The following GVQW3 variants were observed in gnomAD, a reference collection of about 807,000 sequenced individuals.
GVQW3 encodes GVQW motif containing 3.
GVQW3 carries 7 observed loss-of-function variants against 12.5 expected under a neutral mutation model. The observed-to-expected ratio is 0.56, with a 90% confidence interval of 0.32 to 1.05. The LOEUF is 1.05. Among genes scored for constraint, GVQW3 ranks in the 50% least tolerant of loss-of-function variants. The probability of loss-of-function intolerance (pLI) is 0.04; values close to 1 mark genes in which losing one functional copy is unlikely to be tolerated. For synonymous variants in GVQW3, 71 were observed against 67.2 expected (o/e 1.06, Z -0.28); for missense variants, 188 against 190.8 (o/e 0.99, Z 0.09).
intron 1 of GVQW3, among the ~76,000 whole-genome samples, chr11:76,393,912 A>T (rs1032810389): frequency 1.4e-5 from 2 of 144,164 alleles, no homozygotes; most frequent in Admixed American, 6.8e-5. Flanking sequence ...TATTATTATT[A>T]TTTTTGAGAG....
At chr11:76,409,548 T>C (rs1947068071), downstream of GVQW3, among the ~76,000 whole-genome samples, 1 of 152,212 alleles carries the variant, frequency 6.6e-6, no homozygotes, top group Non-Finnish European at 1.5e-5. Context: ...ATTGCCTCTT[T>C]AGGGAAATCT....
At chr11:76,392,433 G>A (rs1489949265) in intron 1 of GVQW3, 2 of 152,232 alleles carry the variant, frequency 1.3e-5, no homozygotes, top group Non-Finnish European at 2.9e-5. Flanking sequence ...CAAACTCGAT[G>A]AGGGAATTGG....
downstream of GVQW3, chr11:76,411,740 A>G (rs969121546): frequency 3.9e-5 from 6 of 152,102 alleles, no homozygotes; most frequent in African/African-American, 1.4e-4. Context: ...CTTTGAGTTG[A>G]TGTAATCTTG....
chr11:76,398,168 C>T (rs1179491411), intron 1 of GVQW3, among the ~76,000 whole-genome samples: 2 of 151,652 alleles, frequency 1.3e-5, no homozygotes, highest in Non-Finnish European at 1.5e-5. Context: ...AAGAAAATGA[C>T]TGTGTGTAAC....
At chr11:76,392,169 T>C (rs1946898834) in intron 1 of GVQW3, 1 of 152,156 alleles carries the variant, frequency 6.6e-6, no homozygotes, top group African/African-American at 2.4e-5. Flanking sequence ...GAACAAACTT[T>C]TGTAAAGAAT....
At chr11:76,409,089 G>A (rs753498861), downstream of GVQW3, among the ~76,000 whole-genome samples, 22 of 152,080 alleles carry the variant, frequency 1.4e-4, no homozygotes, top group Non-Finnish European at 2.9e-4. Context: ...TTCAGTGTCC[G>A]CTGCATGCCA....
chr11:76,395,620 G>T (rs1946931968), intron 1 of GVQW3, among the ~76,000 whole-genome samples: 1 of 152,140 alleles, frequency 6.6e-6, no homozygotes, highest in Non-Finnish European at 1.5e-5. Context: ...TCTAGCCCTG[G>T]TTCCTTTTAT....
Position 76,406,232 on chromosome 11 carries a change from C to T in GVQW3, c.*2474C>T, listed in dbSNP as rs1947038149. On this transcript the variant is annotated 3_prime_UTR_variant, in exon 2 of 2. Coordinates refer to ENST00000529331, the MANE Select transcript of GVQW3 (RefSeq NM_001347885.2). Reference sequence around the variant, plus strand: ...AACCAATCTGCCCACCTAGGCCTCCCAAAATGCTGGGACTATAGGTGTGAG... The same window carrying T: ...AACCAATCTGCCCACCTAGGCCTCCTAAAATGCTGGGACTATAGGTGTGAG... 1 of 152,344 alleles carries T rather than the reference C, an allele frequency of 6.6e-6. No individual in the cohort carries two copies. Among genetic ancestry groups the T allele is most frequent in the African/African-American group, 2.4e-5 (1 of 41,460 alleles). The allele number at this position is 152,344 out of a possible 1,614,324, so 9.4% of individuals were successfully genotyped here.
downstream of GVQW3, chr11:76,411,978 A>T (rs1947082672): frequency 6.6e-6 from 1 of 152,026 alleles, no homozygotes; most frequent in Admixed American, 6.6e-5. Context: ...GATAGCTTTA[A>T]CTCTCTTCCT....
At chr11:76,410,912 T>G (rs554867747), downstream of GVQW3, 1 of 152,366 alleles carries the variant, frequency 6.6e-6, no homozygotes, top group South Asian at 2.1e-4. Context: ...TTCCTCATCT[T>G]TCATTGCTTT....
intron 1 of GVQW3, among the ~76,000 whole-genome samples, chr11:76,401,867 C>A (rs1294884077): frequency 6.6e-6 from 1 of 152,094 alleles, no homozygotes; most frequent in African/African-American, 2.4e-5. Flanking sequence ...TCAAACTCCC[C>A]ATCTTGCATG....
In GVQW3 at chr11:76,393,513, T is replaced by C. The variant is rs780926553; in HGVS notation, c.466-10147T>C. ...GGAGTTTGCTGAAAACTGGAGACTT[T>C]TGGACACCAACTTTTTGAGCTAGCT... On this transcript the variant is annotated intron_variant, in intron 1 of 1. Coordinates refer to ENST00000529331, the MANE Select transcript of GVQW3 (RefSeq NM_001347885.2). Among the ~76,000 whole-genome samples, 66 of 152,184 alleles carry C rather than the reference T, an allele frequency of 4.3e-4. 1 individual carries two copies. Among genetic ancestry groups the C allele is most frequent in the Non-Finnish European group, 3.5e-4 (24 of 68,038 alleles).
intron 1 of GVQW3, among the ~76,000 whole-genome samples, chr11:76,395,965 G>T (rs936720653): frequency 3.3e-5 from 5 of 152,196 alleles, no homozygotes; most frequent in Non-Finnish European, 7.3e-5. Flanking sequence ...CACTCTAGAT[G>T]TTAGGAATAG....
intron 1 of GVQW3, among the ~76,000 whole-genome samples, chr11:76,388,798 G>T (rs1946862486): frequency 6.6e-6 from 1 of 152,054 alleles, no homozygotes; most frequent in South Asian, 2.1e-4. Flanking sequence ...CTCTGGTCTT[G>T]ATGCCTCTCC....
At chr11:76,399,820 T>A (rs1442507703) in intron 1 of GVQW3, among the ~76,000 whole-genome samples, 1 of 152,066 alleles carries the variant, frequency 6.6e-6, no homozygotes, top group African/African-American at 2.4e-5. Context: ...ATTGCAGGAT[T>A]TTGAACTGGA....
At position 76,381,651 on chromosome 11, in the gene GVQW3, G is replaced by C. The variant is rs914117287; in HGVS notation, c.-178G>C. On this transcript the variant is annotated 5_prime_UTR_variant, in exon 1 of 2. Coordinates refer to ENST00000529331, the MANE Select transcript of GVQW3 (RefSeq NM_001347885.2). ...TGGCTTCCCAGAACGGATCTCCCCA[G>C]CCTCGACTGGAAGCTGAGGGACAAA... The C allele has an allele frequency of 3.3e-6, 2 of 600,394 alleles. No individual in the cohort carries two copies. Among genetic ancestry groups the C allele is most frequent in the African/African-American group, 3.7e-5 (2 of 53,702 alleles). 37.2% of individuals were successfully genotyped at this position (600,394 alleles called of 1,614,324 possible).
chr11:76,401,918 A>T (rs537552095), intron 1 of GVQW3, among the ~76,000 whole-genome samples: 18 of 152,254 alleles, frequency 1.2e-4, no homozygotes, highest in African/African-American at 3.9e-4. Context: ...AATGCTATTT[A>T]TTACCCCACC....
At chr11:76,386,686 A>C (rs947722580) in intron 1 of GVQW3, among the ~76,000 whole-genome samples, 1 of 152,158 alleles carries the variant, frequency 6.6e-6, no homozygotes, top group Non-Finnish European at 1.5e-5. Flanking sequence ...TTGCTGCTAA[A>C]TTGTGTATGT....
At chr11:76,395,363 CA>C (rs1306772624) in intron 1 of GVQW3, among the ~76,000 whole-genome samples, 7 of 152,202 alleles carry the variant, frequency 4.6e-5, no homozygotes, top group Non-Finnish European at 1.0e-4. Flanking sequence ...TGTTTGGACT[CA>C]TGTATGTTTG....
Sources: gnomAD v4.1 joint callset for allele counts (sites outside exome capture counted in the v4.1 genomes callset) on GRCh38, gnomAD v4.1.1 for gene constraint, MANE v1.5 for transcripts, NCBI Gene and HGNC (gene_info 2026-07-23, HGNC 2026-07-21) for gene names.